IGSF9B: variants seen among roughly 807,000 people sequenced by gnomAD.
IGSF9B encodes protein turtle homolog B.
IGSF9B carries 48 observed loss-of-function variants against 143.7 expected under a neutral mutation model. That is an observed-to-expected ratio of 0.33 (90% CI 0.26 to 0.42). The LOEUF (loss-of-function observed/expected upper bound fraction) is 0.42, where lower values mean the gene tolerates loss of function less well. IGSF9B is among the 20% of genes least tolerant of loss of function. The probability of loss-of-function intolerance (pLI) is 1.00; values close to 1 mark genes in which losing one functional copy is unlikely to be tolerated. For synonymous variants in IGSF9B, 903 were observed against 833.1 expected (o/e 1.08, Z -1.44); for missense variants, 1,706 against 1,980.0 (o/e 0.86, Z 2.63).
chr11:133,938,780 C>T (rs982740090), intron 3 of IGSF9B, among the ~76,000 whole-genome samples: 27 of 152,316 alleles, frequency 1.8e-4, no homozygotes, highest in Non-Finnish European at 1.9e-4. Flanking sequence ...CTGAGCTCAT[C>T]TCAAGGTACC....
intron 7 of IGSF9B, among the ~76,000 whole-genome samples, chr11:133,935,064 C>T (rs772701744): frequency 2.0e-5 from 3 of 152,240 alleles, no homozygotes; most frequent in Non-Finnish European, 4.4e-5. Context: ...AGCCCTCGAA[C>T]GTCTGGGTGA....
chr11:133,912,581 C>G (rs928125071), intron 18 of IGSF9B, among the ~76,000 whole-genome samples: 1 of 152,178 alleles, frequency 6.6e-6, no homozygotes, highest in African/African-American at 2.4e-5. Context: ...CAGCTAACAA[C>G]AACAAATACT....
chr11:133,924,995 G>T, intron 14 of IGSF9B, 91 bp from the exon 15 acceptor site: 1 of 1,091,382 alleles, frequency 9.2e-7, no homozygotes, highest in Non-Finnish European at 1.4e-6. Flanking sequence ...GCCTTGCAAA[G>T]GGCAGGGCAC....
intron 3 of IGSF9B, among the ~76,000 whole-genome samples, chr11:133,940,117 A>G (rs1939906334): frequency 7.4e-6 from 1 of 135,224 alleles, no homozygotes; most frequent in Admixed American, 7.8e-5. Flanking sequence ...ATAAACATAC[A>G]CCTCGCACGT....
chr11:133,908,035 C>G lies in IGSF9B; in HGVS notation c.*1034G>C, dbSNP rs1275751358. 6.6e-6 allele frequency among the ~76,000 whole-genome samples: 1 copy of G among 152,222 alleles called. No homozygotes were observed. The highest frequency in any genetic ancestry group is 1.5e-5 in the Non-Finnish European group (1 of 68,040). On this transcript the variant is annotated 3_prime_UTR_variant, in exon 20 of 20. Transcript: ENST00000533871. Reference sequence around the variant, plus strand: ...GAACAGCACTGCACAGAGTGCTGAGCCGGGGACGGTATAAATAGAGCCGGC... The same window carrying G: ...GAACAGCACTGCACAGAGTGCTGAGGCGGGGACGGTATAAATAGAGCCGGC...
chr11:133,929,258 A>T (rs1375991408), intron 12 of IGSF9B, among the ~76,000 whole-genome samples: 1 of 152,220 alleles, frequency 6.6e-6, no homozygotes, highest in Non-Finnish European at 1.5e-5. Context: ...TGTACCCACA[A>T]AAATTACAAA....
rs1279355974 is a variant in IGSF9B at position 133,946,155 on chromosome 11, T to A, written c.168A>T (p.Pro56=). 4.3e-6 allele frequency: 7 copies of A among 1,613,002 alleles called. No homozygotes were observed. Among genetic ancestry groups the A allele is most frequent in the Non-Finnish European group, 5.9e-6 (7 of 1,179,586 alleles). Residue 56 remains proline (P), a synonymous_variant, in exon 2 of 20, where the codon CCA becomes CCT. Transcript: ENST00000533871. ...DVIHPVTGQP[P]PYVVEWFKFG... ...ACTTGAACCACTCTACGACATAGGG[T>A]GGGGGCTGTCCCGTCACTGGGTGGA...
chr11:133,906,620 G>A lies in IGSF9B; in HGVS notation c.*2449C>T, dbSNP rs1939213626. Among the ~76,000 whole-genome samples, 1 of 152,238 alleles carries A rather than the reference G, an allele frequency of 6.6e-6. No homozygotes were observed. The highest frequency in any genetic ancestry group is 2.4e-5 in the African/African-American group (1 of 41,458). Reference sequence around the variant, plus strand: ...GCCCTGGAAGGCACAGCCATGGCCTGAGCATCTCAGCCTCTCATGACATCC... The same window carrying A: ...GCCCTGGAAGGCACAGCCATGGCCTAAGCATCTCAGCCTCTCATGACATCC... On this transcript the variant is annotated 3_prime_UTR_variant, in exon 20 of 20. Transcript: ENST00000533871.
rs1939518341 is a variant in IGSF9B at position 133,920,872 on chromosome 11, G to A, written c.2853C>T (p.Gly951=). The A allele has an allele frequency of 1.9e-6, 3 of 1,605,456 alleles. No homozygotes were observed. Among genetic ancestry groups the A allele is most frequent in the Non-Finnish European group, 1.7e-6 (2 of 1,175,910 alleles). ...GGLEGRLQAT[G]QARPPAPRPF... is the part of the protein sequence containing the mutation. The stretch of plus-strand genomic sequence containing the variant: ...GCCGGGGGGCAGGGGGCCGGGCCTG[G>A]CCTGTGGCCTGAAGCCGACCTTCCA... The change falls in exon 18 of 20, where the codon GGC becomes GGT. Residue 951 remains glycine (G), a synonymous_variant. Transcript: ENST00000533871.
In IGSF9B at chr11:133,909,671, C is replaced by T. The variant is rs981941046; in HGVS notation, c.4106-394G>A. 6.6e-6 allele frequency among the ~76,000 whole-genome samples: 1 copy of T among 152,156 alleles called. No homozygotes were observed. Among genetic ancestry groups the T allele is most frequent in the African/African-American group, 2.4e-5 (1 of 41,430 alleles). On this transcript the variant is annotated intron_variant, in intron 19 of 19. Coordinates refer to ENST00000533871, the MANE Select transcript of IGSF9B (RefSeq NM_001277285.4). The surrounding 1 kb of genome is among the most constrained non-coding windows in gnomAD (Gnocchi z 4.2). ...TTTCTCATCTGCCCCAAGCAATGAC[C>T]GACTTTATACAAGATTTTAATCGCA...
intron 11 of IGSF9B, 103 bp from the exon 12 acceptor site, chr11:133,929,885 A>C: frequency 1.4e-6 from 1 of 729,440 alleles, no homozygotes; most frequent in African/African-American, 1.7e-5. Context: ...AGCGCATGGC[A>C]GCGGAGCACA....
At chr11:133,955,353 G>A (rs1489882415) in intron 1 of IGSF9B, among the ~76,000 whole-genome samples, 2 of 152,132 alleles carry the variant, frequency 1.3e-5, no homozygotes, top group East Asian at 1.9e-4. Flanking sequence ...CCTTCGCTTC[G>A]CCCTCTGCTC....
Position 133,956,943 on chromosome 11 carries a change from G to A in IGSF9B, c.-189C>T, listed in dbSNP as rs1940269844. 1.9e-5 allele frequency: 7 copies of A among 376,964 alleles called. No individual in the cohort carries two copies. The highest frequency in any genetic ancestry group is 2.4e-5 in the Non-Finnish European group (5 of 210,212). 23.4% of individuals were successfully genotyped at this position (376,964 alleles called of 1,614,324 possible). Reference sequence around the variant, plus strand: ...CGCTCGGCTCGGCGCGCGCCTCCCCGGCCCCGGCGCAGCGGCACCTGCACT... The same window carrying A: ...CGCTCGGCTCGGCGCGCGCCTCCCCAGCCCCGGCGCAGCGGCACCTGCACT... On this transcript the variant is annotated 5_prime_UTR_variant, in exon 1 of 20. Coordinates refer to ENST00000533871, the MANE Select transcript of IGSF9B (RefSeq NM_001277285.4).
At chr11:133,954,269 CCAA>C (rs552803220) in intron 1 of IGSF9B, among the ~76,000 whole-genome samples, 142 of 152,294 alleles carry the variant, frequency 9.3e-4, no homozygotes, top group African/African-American at 3.0e-3. Context: ...CCTCTGGCCA[CCAA>C]CAACACTCCA....
At position 133,924,841 on chromosome 11, in the gene IGSF9B, T is replaced by C; in HGVS notation, c.2098A>G (p.Ile700Val). The C allele has an allele frequency of 6.2e-7, 1 of 1,613,860 alleles. No individual in the cohort carries two copies. Among genetic ancestry groups the C allele is most frequent in the Non-Finnish European group, 8.5e-7 (1 of 1,179,878 alleles). The part of the protein sequence containing the change: ...MQDLISEPSN[I>V]AGVSSTDIFP... ...ATACCTGTGCTGGAGACGCCGGCGA[T>C]GTTGCTGGGCTCGCTGATCAGATCC... The change falls in exon 15 of 20, where the codon ATC (isoleucine) becomes GTC (valine). Residue 700 changes from isoleucine to valine, a missense_variant. Physicochemically the swap from Ile to Val is conservative, Grantham distance 29. This residue lies in a region of IGSF9B where 267 missense variants were observed against 321.1 expected (regional missense o/e 0.83). Transcript: ENST00000533871.
intron 1 of IGSF9B, among the ~76,000 whole-genome samples, chr11:133,947,483 G>A (rs1038281235): frequency 3.3e-5 from 5 of 152,200 alleles, no homozygotes; most frequent in South Asian, 2.1e-4. Flanking sequence ...GTACCGAAGC[G>A]GCAGCTTAAA....
In IGSF9B at chr11:133,899,313, C is replaced by T. The variant is rs1188018450; in HGVS notation, c.*9756G>A. 2 of 152,528 alleles carry T rather than the reference C, an allele frequency of 1.3e-5. No individual in the cohort carries two copies. The highest frequency in any genetic ancestry group is 1.5e-5 in the Non-Finnish European group (1 of 68,150). The allele number at this position is 152,528 out of a possible 1,614,324, so 9.4% of individuals were successfully genotyped here. A position where few individuals can be genotyped will look rare whatever the true frequency, so the allele number is the denominator to read the frequency against. On this transcript the variant is annotated 3_prime_UTR_variant, in exon 20 of 20. Transcript: ENST00000533871. ...GTTCCCAGGCCTCCTCCTTACTCCACATAAAGCTGATCTCAATGACCTTTG... is the reference window on the plus strand; with the variant it reads ...GTTCCCAGGCCTCCTCCTTACTCCATATAAAGCTGATCTCAATGACCTTTG...
Position 133,931,955 on chromosome 11 carries a change from T to G in IGSF9B, c.1110+116A>C. Reference sequence around the variant, plus strand: ...ACCCCTACAGAAGCAGCTCTCTGTTTGCCCAGGGCTTTTGGAAGGGGCCAG... The same window carrying G: ...ACCCCTACAGAAGCAGCTCTCTGTTGGCCCAGGGCTTTTGGAAGGGGCCAG... On this transcript the variant is annotated intron_variant, in intron 8 of 19. Coordinates refer to ENST00000533871, the MANE Select transcript of IGSF9B (RefSeq NM_001277285.4). This position sits in a 1 kb window ranked among gnomAD's most constrained non-coding sequence, Gnocchi z 7.7. 6.7e-7 allele frequency: 1 copy of G among 1,494,786 alleles called. No homozygotes were observed. 92.6% of individuals were successfully genotyped at this position (1,494,786 alleles called of 1,614,324 possible).
intron 19 of IGSF9B, among the ~76,000 whole-genome samples, chr11:133,910,056 C>T (rs1780494546): frequency 6.6e-6 from 1 of 151,974 alleles, no homozygotes; most frequent in African/African-American, 2.4e-5. Flanking sequence ...GGTGTGTCCC[C>T]GATACAGAAG....
Sources: allele counts gnomAD v4.1 joint callset (sites outside exome capture counted in the v4.1 genomes callset), GRCh38; gene constraint gnomAD v4.1.1; regional missense constraint gnomAD v4.1.1; non-coding constraint Gnocchi (gnomAD v3.1); transcripts MANE v1.5; gene names NCBI Gene and HGNC (gene_info 2026-07-23, HGNC 2026-07-21).